Variants in ASCC1 observed in about 807,000 individuals in gnomAD.
ASCC1 encodes the protein activating signal cointegrator 1 complex subunit 1.
ASCC1 carries 35 observed loss-of-function variants against 46.6 expected under a neutral mutation model. That is an observed-to-expected ratio of 0.75 (90% CI 0.57 to 0.99). ASCC1 has a LOEUF of 0.99. Among genes scored for constraint, ASCC1 ranks in the 50% least tolerant of loss-of-function variants. ASCC1 has a pLI of 0.00. For missense variants in ASCC1, 376 were observed against 428.7 expected (o/e 0.88, Z 1.09); for synonymous variants, 143 against 146.6 (o/e 0.98, Z 0.18).
chr10:72,189,979 G>C (rs1939596387), intron 5 of ASCC1: 1 of 755,484 alleles, frequency 1.3e-6, no homozygotes, highest in Non-Finnish European at 2.4e-6. Context: ...TACGGAGAAA[G>C]AAACAGTCTG....
At chr10:72,146,223 A>C (rs1453614774) in intron 7 of ASCC1, among the ~76,000 whole-genome samples, 1 of 152,172 alleles carries the variant, frequency 6.6e-6, no homozygotes, top group Non-Finnish European at 1.5e-5. Flanking sequence ...AATGGCTGCC[A>C]TCTGCCTCTT....
At chr10:72,177,001 C>A (rs1359683871) in intron 5 of ASCC1, among the ~76,000 whole-genome samples, 1 of 151,848 alleles carries the variant, frequency 6.6e-6, no homozygotes, top group Non-Finnish European at 1.5e-5. Context: ...CAACACGGTA[C>A]CTATTTCTGG....
intron 6 of ASCC1, chr10:72,159,236 A>T (rs1322693519): frequency 6.6e-6 from 1 of 152,222 alleles, no homozygotes; most frequent in Non-Finnish European, 1.5e-5. Context: ...TCATACTGTC[A>T]TGTCAAAAAT....
At chr10:72,207,535 A>G (rs760146599) in intron 3 of ASCC1, among the ~76,000 whole-genome samples, 1 of 152,208 alleles carries the variant, frequency 6.6e-6, no homozygotes, top group Non-Finnish European at 1.5e-5. Flanking sequence ...AGTCTTGGCT[A>G]TACACTGGAA....
rs749821842 is a variant in ASCC1 at position 72,097,174 on chromosome 10, C to T, written c.*160G>A. On this transcript the variant is annotated 3_prime_UTR_variant, in exon 10 of 10. Transcript: ENST00000672957. Reference sequence around the variant, plus strand: ...ACCACCATCTCAGCTGGTAGTATGACGGGTGTAGACACCATTAGAGGCAAT... The same window carrying T: ...ACCACCATCTCAGCTGGTAGTATGATGGGTGTAGACACCATTAGAGGCAAT... 97 of 721,952 alleles carry T rather than the reference C, an allele frequency of 1.3e-4. No individual in the cohort carries two copies. Among genetic ancestry groups the T allele is most frequent in the Admixed American group, 3.4e-4 (19 of 56,376 alleles). 44.7% of individuals were successfully genotyped at this position (721,952 alleles called of 1,614,324 possible). A position where few individuals can be genotyped will look rare whatever the true frequency, so the allele number is the denominator to read the frequency against.
intron 3 of ASCC1, among the ~76,000 whole-genome samples, chr10:72,203,780 C>A (rs549382248): frequency 6.6e-6 from 1 of 152,262 alleles, no homozygotes; most frequent in South Asian, 2.1e-4. Context: ...CACCCGTTTG[C>A]TTCTCAAAAT....
intron 7 of ASCC1, among the ~76,000 whole-genome samples, chr10:72,135,687 C>T (rs1846098943): frequency 6.6e-6 from 1 of 152,098 alleles, no homozygotes; most frequent in Non-Finnish European, 1.5e-5. Context: ...GTGTGGAGGA[C>T]AGACAGCAGT....
intron 5 of ASCC1, among the ~76,000 whole-genome samples, chr10:72,165,701 C>T (rs1430535906): frequency 6.6e-6 from 1 of 152,148 alleles, no homozygotes; most frequent in African/African-American, 2.4e-5. Flanking sequence ...CACACATCAA[C>T]CCAAATTGCC....
rs377677021 is a variant in ASCC1 at position 72,155,235 on chromosome 10, C to CTTTAAA, written c.627-2248_627-2247insTTTAAA. On this transcript the variant is annotated intron_variant, in intron 6 of 9. Transcript: ENST00000672957. ...AAACTGCACTGCGTATCCTTTGCAA[C>CTTTAAA]TTTTTGAACTATGTAAATGTATTAT... 9.7e-3 allele frequency among the ~76,000 whole-genome samples: 1,470 copies of CTTTAAA among 152,268 alleles called. 20 individuals carry two copies. The highest frequency in any genetic ancestry group is 0.034 in the African/African-American group (1,398 of 41,554).
rs1430750946 is a variant in ASCC1, at chr10:72,096,567, T to C, written c.*767A>G. On this transcript the variant is annotated 3_prime_UTR_variant, in exon 10 of 10. Transcript: ENST00000672957. ...GGTTATTTTGCTAAAGATAAAACTCTGGGTGGTAAAGGAATTAAAGGCAGA... is the reference window on the plus strand; with the variant it reads ...GGTTATTTTGCTAAAGATAAAACTCCGGGTGGTAAAGGAATTAAAGGCAGA... The C allele has an allele frequency of 4.4e-6, 2 of 453,922 alleles. No individual in the cohort carries two copies. Among genetic ancestry groups the C allele is most frequent in the Admixed American group, 4.7e-5 (2 of 42,554 alleles). The allele number at this position is 453,922 out of a possible 1,614,324, so 28.1% of individuals were successfully genotyped here. A position where few individuals can be genotyped will look rare whatever the true frequency, so the allele number is the denominator to read the frequency against.
chr10:72,195,766 A>T (rs1381503611), intron 5 of ASCC1, among the ~76,000 whole-genome samples: 2 of 151,616 alleles, frequency 1.3e-5, no homozygotes, highest in South Asian at 2.1e-4. Context: ...CCCGGGATGC[A>T]GAGGTTGCAG....
chr10:72,172,022 G>C (rs957991483), intron 5 of ASCC1, among the ~76,000 whole-genome samples: 6 of 152,158 alleles, frequency 3.9e-5, no homozygotes, highest in Non-Finnish European at 7.3e-5. Flanking sequence ...TGATAAGATT[G>C]TATCTCCAGC....
chr10:72,188,563 A>G (rs904069971), intron 5 of ASCC1, among the ~76,000 whole-genome samples: 2 of 152,218 alleles, frequency 1.3e-5, no homozygotes, highest in African/African-American at 4.8e-5. Flanking sequence ...AAGGAAGGAA[A>G]GAAAGAAGAA....
Position 72,210,855 on chromosome 10 carries a change from A to G in ASCC1, c.113-24T>C, listed in dbSNP as rs1321137566. On this transcript the variant is annotated intron_variant, in intron 2 of 9. Coordinates refer to ENST00000672957, the MANE Select transcript of ASCC1 (RefSeq NM_001198800.3). ...GCCTGCACAGAAACCATCACATCTC[A>G]CTCAGAAACAATGTTGCTCTGTGGA... 2.5e-6 allele frequency: 4 copies of G among 1,577,158 alleles called. No homozygotes were observed. The Admixed American group carries it at 5.0e-5, about 20-fold the overall frequency.
At chr10:72,215,697 G>A (rs1159635271) in intron 1 of ASCC1, 1 of 152,246 alleles carries the variant, frequency 6.6e-6, no homozygotes. Context: ...TTGTCGCGGA[G>A]ACAGCAAATG....
chr10:72,108,076 C>CTTTTTTT (rs375287948), intron 9 of ASCC1, among the ~76,000 whole-genome samples: 23 of 128,340 alleles, frequency 1.8e-4, no homozygotes, highest in South Asian at 2.5e-4. Context: ...TTTTCTTTTT[C>CTTTTTTT]TTTTTTTTTT....
intron 5 of ASCC1, among the ~76,000 whole-genome samples, chr10:72,166,972 C>T (rs879357762): frequency 6.7e-6 from 1 of 148,888 alleles, no homozygotes; most frequent in African/African-American, 2.5e-5. Flanking sequence ...ACCGAGCAGC[C>T]ACTTTGTAAA....
chr10:72,172,817 TAATA>T (rs1327466197), intron 5 of ASCC1, among the ~76,000 whole-genome samples: 1 of 133,762 alleles, frequency 7.5e-6, no homozygotes, highest in South Asian at 2.1e-4. Context: ...ATATTATATA[TAATA>T]TATATTTTAT....
At chr10:72,196,304 C>A (rs1478239123) in intron 5 of ASCC1, among the ~76,000 whole-genome samples, 1 of 145,628 alleles carries the variant, frequency 6.9e-6, no homozygotes, top group African/African-American at 2.6e-5. Context: ...TTTGAGACAG[C>A]ATCTCACTCT....
Sources: gnomAD v4.1 joint callset for allele counts (sites outside exome capture counted in the v4.1 genomes callset) on GRCh38, gnomAD v4.1.1 for gene constraint, MANE v1.5 for transcripts, NCBI Gene and HGNC (gene_info 2026-07-23, HGNC 2026-07-21) for gene names.